CHLSN: variants seen among roughly 807,000 people sequenced by gnomAD.
CHLSN encodes the protein protein cholesin.
At chr7:1,021,080 C>A in the CHLSN span, among the ~76,000 whole-genome samples, 1 of 151,430 alleles carries the variant, frequency 6.6e-6, no homozygotes, top group African/African-American at 2.4e-5. Flanking sequence ...CAGGCAGGCA[C>A]CTCCAGGCTG....
chr7:1,060,731 G>T, the CHLSN span, among the ~76,000 whole-genome samples: 2 of 152,236 alleles, frequency 1.3e-5, no homozygotes, highest in Non-Finnish European at 2.9e-5. Context: ...TTCTGTCAGT[G>T]TTTGGTTTTC....
At chr7:1,053,555 T>C in the CHLSN span, among the ~76,000 whole-genome samples, 1,725 of 152,298 alleles carry the variant, frequency 0.011, 22 homozygotes, top group African/African-American at 0.037. Flanking sequence ...TCGCTGGGCA[T>C]GGTGGCTCAC....
the CHLSN span, among the ~76,000 whole-genome samples, chr7:1,072,823 A>C: frequency 6.6e-6 from 1 of 151,922 alleles, no homozygotes; most frequent in East Asian, 2.0e-4. Context: ...AGCTAGGATT[A>C]CAGGCGTGCG....
chr7:1,039,654 T>G, the CHLSN span, among the ~76,000 whole-genome samples: 3 of 53,092 alleles, frequency 5.7e-5, 1 homozygote, highest in Admixed American at 3.6e-4. Flanking sequence ...GCCCGGCCAC[T>G]ACCCCGTCTG....
the CHLSN span, among the ~76,000 whole-genome samples, chr7:1,136,727 C>A: frequency 2.6e-5 from 4 of 150,966 alleles, no homozygotes; most frequent in African/African-American, 9.7e-5. Flanking sequence ...CATATATCAT[C>A]TCAAGCTTAA....
At chr7:1,022,530 G>A in the CHLSN span, among the ~76,000 whole-genome samples, 21 of 152,238 alleles carry the variant, frequency 1.4e-4, no homozygotes, top group African/African-American at 4.8e-4. Flanking sequence ...GACGGCCGTC[G>A]TGAGGGAACA....
the CHLSN span, among the ~76,000 whole-genome samples, chr7:1,071,573 G>T: frequency 6.9e-6 from 1 of 144,146 alleles, no homozygotes; most frequent in Admixed American, 7.0e-5. Context: ...AAGGGGAGAG[G>T]GAGGAGAAGT....
At chr7:1,037,061 A>G in the CHLSN span, among the ~76,000 whole-genome samples, 1 of 146,734 alleles carries the variant, frequency 6.8e-6, no homozygotes, top group Non-Finnish European at 1.5e-5. Flanking sequence ...CAGTGAGCCG[A>G]GATCACACCA....
At chr7:1,114,859 T>A in the CHLSN span, among the ~76,000 whole-genome samples, 11 of 152,228 alleles carry the variant, frequency 7.2e-5, no homozygotes, top group Admixed American at 7.2e-4. Context: ...GCAGGAGAGC[T>A]GCCCCTGCCC....
the CHLSN span, chr7:984,886 A>G: frequency 6.6e-7 from 1 of 1,524,376 alleles, no homozygotes; most frequent in Non-Finnish European, 8.8e-7. Flanking sequence ...CTTCCTGCCC[A>G]CTTGCCTGGC....
At chr7:1,108,935 C>T in the CHLSN span, among the ~76,000 whole-genome samples, 34 of 143,324 alleles carry the variant, frequency 2.4e-4, no homozygotes, top group Non-Finnish European at 4.6e-4. Flanking sequence ...CTCGCTCTGT[C>T]GCCCAGGCTG....
At chr7:1,036,662 T>TA in the CHLSN span, among the ~76,000 whole-genome samples, 2 of 151,846 alleles carry the variant, frequency 1.3e-5, no homozygotes, top group African/African-American at 4.8e-5. Flanking sequence ...ATATTACTCT[T>TA]AAAAAAAAGT....
the CHLSN span, among the ~76,000 whole-genome samples, chr7:996,124 G>C: frequency 2.0e-5 from 3 of 152,258 alleles, no homozygotes; most frequent in Non-Finnish European, 4.4e-5. Flanking sequence ...AGTGAGGCCA[G>C]TCACCGCTCT....
At chr7:1,019,674 G>A in the CHLSN span, among the ~76,000 whole-genome samples, 9 of 152,246 alleles carry the variant, frequency 5.9e-5, no homozygotes, top group African/African-American at 2.2e-4. Flanking sequence ...GAACCTCCAG[G>A]CCCATCACCA....
At chr7:1,045,023 A>G in the CHLSN span, among the ~76,000 whole-genome samples, 3 of 152,308 alleles carry the variant, frequency 2.0e-5, no homozygotes, top group East Asian at 5.8e-4. Flanking sequence ...CCCTTCTGTG[A>G]TTAGTATTTT....
chr7:1,090,897 G>C, the CHLSN span, among the ~76,000 whole-genome samples: 1 of 152,218 alleles, frequency 6.6e-6, no homozygotes, highest in African/African-American at 2.4e-5. Context: ...CACAGAACTA[G>C]CATGAGGAAA....
the CHLSN span, among the ~76,000 whole-genome samples, chr7:1,106,229 T>G: frequency 6.6e-6 from 1 of 152,118 alleles, no homozygotes; most frequent in Non-Finnish European, 1.5e-5. Flanking sequence ...ACTCTCCACA[T>G]GCGGATGCCA....
At chr7:1,078,434 C>G in the CHLSN span, among the ~76,000 whole-genome samples, 2 of 152,102 alleles carry the variant, frequency 1.3e-5, no homozygotes, top group Non-Finnish European at 2.9e-5. Context: ...GAAGGGGGCC[C>G]CGTGAGACCT....
chr7:1,115,751 GATGACATC>G, the CHLSN span, among the ~76,000 whole-genome samples: 2 of 119,600 alleles, frequency 1.7e-5, no homozygotes, highest in African/African-American at 6.3e-5. Context: ...CACGCAGGAT[GATGACATC>G]ACTACAGCAC....
Sources: gnomAD v4.1 joint callset for allele counts (sites outside exome capture counted in the v4.1 genomes callset) on GRCh38, gnomAD v4.1.1 for gene constraint, MANE v1.5 for transcripts, NCBI Gene and HGNC (gene_info 2026-07-23, HGNC 2026-07-21) for gene names.